PACSIN1: variants seen among roughly 807,000 people sequenced by gnomAD.
PACSIN1 encodes the protein protein kinase C and casein kinase substrate in neurons 1.
Under a neutral mutation model 59.5 loss-of-function variants are expected in PACSIN1, and 15 were observed. That is an observed-to-expected ratio of 0.25 (90% CI 0.17 to 0.39). PACSIN1 has a LOEUF of 0.39. Ranked by LOEUF, PACSIN1 falls within the 10% of genes least tolerant of loss-of-function variation. PACSIN1 has a pLI of 1.00. For synonymous variants in PACSIN1, 210 were observed against 220.6 expected (o/e 0.95, Z 0.42); for missense variants, 420 against 580.2 (o/e 0.72, Z 2.84).
At chr6:34,482,077 TG>T (rs1186170335) in intron 1 of PACSIN1, among the ~76,000 whole-genome samples, 47 of 150,966 alleles carry the variant, frequency 3.1e-4, no homozygotes, top group Non-Finnish European at 6.0e-4. Flanking sequence ...TTTGTTTTTT[TG>T]TTTTTTGTTT....
chr6:34,472,860 G>A (rs1766591627), intron 1 of PACSIN1, among the ~76,000 whole-genome samples: 1 of 152,192 alleles, frequency 6.6e-6, no homozygotes, highest in African/African-American at 2.4e-5. Context: ...TCTTGTAGGG[G>A]CACAAAGGAG....
intron 1 of PACSIN1, among the ~76,000 whole-genome samples, chr6:34,491,334 C>G (rs1766873337): frequency 1.3e-5 from 2 of 152,182 alleles, no homozygotes; most frequent in Non-Finnish European, 2.9e-5. Flanking sequence ...CCCCCAGCCT[C>G]TCCAATTCGG....
chr6:34,473,037 C>G (rs1363569232), intron 1 of PACSIN1, among the ~76,000 whole-genome samples: 1 of 152,154 alleles, frequency 6.6e-6, no homozygotes, highest in Non-Finnish European at 1.5e-5. Context: ...GCCAGATTCA[C>G]AGCCATGCAG....
intron 1 of PACSIN1, among the ~76,000 whole-genome samples, chr6:34,504,535 C>T (rs1030246730): frequency 1.3e-5 from 2 of 152,146 alleles, no homozygotes; most frequent in Non-Finnish European, 2.9e-5. Context: ...AAGTGATCCA[C>T]CTGCCTCGGC....
Position 34,528,736 on chromosome 6 carries a change from G to A in PACSIN1, c.315G>A (p.Leu105=), listed in dbSNP as rs372665671. The change falls in exon 4 of 10, where the codon CTG becomes CTA. Residue 105 remains leucine (L), a synonymous_variant. Coordinates refer to ENST00000244458, the MANE Select transcript of PACSIN1 (RefSeq NM_020804.5). ...SELHQEVKNN[L]LNEDLEKVKN... is the part of the protein sequence containing the mutation. ...TGCACCAGGAGGTGAAGAACAATCTGCTGAATGAGGACCTGGAGAAGGTGA... is the reference window on the plus strand; with the variant it reads ...TGCACCAGGAGGTGAAGAACAATCTACTGAATGAGGACCTGGAGAAGGTGA... 1.1e-5 allele frequency: 17 copies of A among 1,614,016 alleles called. No homozygotes were observed. The African/African-American group carries it at 1.7e-4, about 16-fold the overall frequency.
At chr6:34,524,179 G>A (rs565848299) in intron 1 of PACSIN1, among the ~76,000 whole-genome samples, 31 of 152,228 alleles carry the variant, frequency 2.0e-4, no homozygotes, top group Admixed American at 1.7e-3. Flanking sequence ...TTTTCTGGAC[G>A]AGGTAGAGAG....
chr6:34,533,345 C>G lies in PACSIN1; in HGVS notation c.*815C>G, dbSNP rs1767637237. The G allele has an allele frequency of 6.6e-6, 1 of 152,326 alleles. No individual in the cohort carries two copies. Among genetic ancestry groups the G allele is most frequent in the Non-Finnish European group, 1.5e-5 (1 of 68,108 alleles). The allele number at this position is 152,326 out of a possible 1,614,324, so 9.4% of individuals were successfully genotyped here. A position where few individuals can be genotyped will look rare whatever the true frequency, so the allele number is the denominator to read the frequency against. On this transcript the variant is annotated 3_prime_UTR_variant, in exon 10 of 10. Transcript: ENST00000244458. ...TCGGCTCTTCAGCAGATCCAAACCC[C>G]CTCAGCAACTTGCAGAGGACCTGTC...
rs745735030 is a variant in PACSIN1, at chr6:34,529,846, C to G, written c.788+5C>G. 1.2e-6 allele frequency: 2 copies of G among 1,612,380 alleles called. No homozygotes were observed. The highest frequency in any genetic ancestry group is 1.7e-6 in the Non-Finnish European group (2 of 1,179,236). On this transcript the variant is annotated splice_donor_5th_base_variant and intron_variant, in intron 6 of 9. Coordinates refer to ENST00000244458, the MANE Select transcript of PACSIN1 (RefSeq NM_020804.5). This position sits in a 1 kb window ranked among gnomAD's most constrained non-coding sequence, Gnocchi z 6.3. Reference sequence around the variant, plus strand: ...CAACCTGGCTGAGAACAGCAGGTACCTGGGCATGGCAGGCACCGAGGGCAC... The same window carrying G: ...CAACCTGGCTGAGAACAGCAGGTACGTGGGCATGGCAGGCACCGAGGGCAC...
chr6:34,530,836 G>A lies in PACSIN1; in HGVS notation c.1037+249G>A, dbSNP rs1225673121. ...TTTCGGATGAAACTGTTCCACCTCA[G>A]ATCATCAGGCGTTAGATTCTCCTAA... On this transcript the variant is annotated intron_variant, in intron 8 of 9. Transcript: ENST00000244458. The surrounding 1 kb of genome is among the most constrained non-coding windows in gnomAD (Gnocchi z 4.4). 6.6e-6 allele frequency among the ~76,000 whole-genome samples: 1 copy of A among 152,226 alleles called. No individual in the cohort carries two copies. Among genetic ancestry groups the A allele is most frequent in the Non-Finnish European group, 1.5e-5 (1 of 68,040 alleles).
chr6:34,527,210 A>T (rs1359110229), intron 2 of PACSIN1, 122 bp from the exon 3 acceptor site: 2 of 933,528 alleles, frequency 2.1e-6, no homozygotes, highest in African/African-American at 2.6e-5. Flanking sequence ...GGGGGCGGGG[A>T]CGGCGAGGCC....
rs1054631058 is a variant in PACSIN1 at position 34,518,135 on chromosome 6, G to A, written c.-63-8108G>A. On this transcript the variant is annotated intron_variant, in intron 1 of 9. Transcript: ENST00000244458. The surrounding 1 kb of genome is among the most constrained non-coding windows in gnomAD (Gnocchi z 4.4). ...AGCTGTGACCAGAGCTGCTCTGCCCGGCCAGGCCCCGGAAGAGGGCAAGCT... is the reference window on the plus strand; with the variant it reads ...AGCTGTGACCAGAGCTGCTCTGCCCAGCCAGGCCCCGGAAGAGGGCAAGCT... 1.4e-4 allele frequency among the ~76,000 whole-genome samples: 21 copies of A among 152,184 alleles called. No homozygotes were observed. Among genetic ancestry groups the A allele is most frequent in the Admixed American group, 1.1e-3 (17 of 15,288 alleles).
In PACSIN1 at chr6:34,534,774, G is replaced by C. The variant is rs1018726441; in HGVS notation, c.*2244G>C. The C allele has an allele frequency of 3.3e-5, 5 of 152,738 alleles. No individual in the cohort carries two copies. The highest frequency in any genetic ancestry group is 5.9e-5 in the Non-Finnish European group (4 of 68,126). 9.5% of individuals were successfully genotyped at this position (152,738 alleles called of 1,614,324 possible). A position where few individuals can be genotyped will look rare whatever the true frequency, so the allele number is the denominator to read the frequency against. On this transcript the variant is annotated 3_prime_UTR_variant, in exon 10 of 10. Coordinates refer to ENST00000244458, the MANE Select transcript of PACSIN1 (RefSeq NM_020804.5). ...CAGTCCCCAGGTCCTCAGGGCCCCA[G>C]AGCGGGAGGGTCTCCTACCTGGAAG...
At chr6:34,523,162 T>C (rs1277493419) in intron 1 of PACSIN1, among the ~76,000 whole-genome samples, 2 of 152,230 alleles carry the variant, frequency 1.3e-5, no homozygotes, top group Non-Finnish European at 2.9e-5. Context: ...TATAAAACAG[T>C]GTAACAGTAG....
intron 1 of PACSIN1, among the ~76,000 whole-genome samples, chr6:34,490,135 TC>T (rs1265937133): frequency 6.6e-6 from 1 of 151,564 alleles, no homozygotes; most frequent in African/African-American, 2.4e-5. Flanking sequence ...GATGGCAGCC[TC>T]GACCTCTGGG....
intron 1 of PACSIN1, among the ~76,000 whole-genome samples, chr6:34,510,913 G>A (rs1202028381): frequency 6.6e-6 from 1 of 152,112 alleles, no homozygotes; most frequent in Non-Finnish European, 1.5e-5. Context: ...GGGTTTCACC[G>A]TGTTGCCCAG....
chr6:34,491,568 GGA>G (rs1418694931), intron 1 of PACSIN1, among the ~76,000 whole-genome samples: 1 of 152,088 alleles, frequency 6.6e-6, no homozygotes, highest in Non-Finnish European at 1.5e-5. Context: ...ACGTATAAGA[GGA>G]GAGGGCTGTG....
chr6:34,493,926 C>T (rs1477800445), intron 1 of PACSIN1, among the ~76,000 whole-genome samples: 1 of 152,196 alleles, frequency 6.6e-6, no homozygotes, highest in Admixed American at 6.5e-5. Flanking sequence ...TTTGACTTGC[C>T]CTGTCCAGCA....
intron 1 of PACSIN1, among the ~76,000 whole-genome samples, chr6:34,494,041 A>C (rs1439989419): frequency 6.6e-6 from 1 of 152,226 alleles, no homozygotes; most frequent in Admixed American, 6.5e-5. Context: ...ACAGAAGACA[A>C]AACTGAGGCC....
In PACSIN1 at chr6:34,521,790, C is replaced by T. The variant is rs1032609952; in HGVS notation, c.-63-4453C>T. Among the ~76,000 whole-genome samples the T allele has an allele frequency of 4.1e-4, 63 of 152,258 alleles. No homozygotes were observed. The highest frequency in any genetic ancestry group is 1.1e-3 in the African/African-American group (47 of 41,540). Reference sequence around the variant, plus strand: ...GTGTGTCAGGCGCGGTCCAGTGGCCCGAGGTCTAGTGCTCCGTTTAATCCT... The same window carrying T: ...GTGTGTCAGGCGCGGTCCAGTGGCCTGAGGTCTAGTGCTCCGTTTAATCCT... On this transcript the variant is annotated intron_variant, in intron 1 of 9. Coordinates refer to ENST00000244458, the MANE Select transcript of PACSIN1 (RefSeq NM_020804.5). This position sits in a 1 kb window ranked among gnomAD's most constrained non-coding sequence, Gnocchi z 4.3.
Sources: gnomAD v4.1 joint callset for allele counts (sites outside exome capture counted in the v4.1 genomes callset) on GRCh38, gnomAD v4.1.1 for gene constraint, Gnocchi (gnomAD v3.1) non-coding constraint, MANE v1.5 for transcripts, NCBI Gene and HGNC (gene_info 2026-07-23, HGNC 2026-07-21) for gene names.